ETV7: variants seen among roughly 807,000 people sequenced by gnomAD.
ETV7 encodes ETS variant transcription factor 7.
Under a neutral mutation model 39.1 loss-of-function variants are expected in ETV7, and 43 were observed. The observed-to-expected ratio is 1.10, with a 90% confidence interval of 0.86 to 1.42. The LOEUF is 1.42. Ranked by LOEUF, ETV7 falls within the 40% of genes most tolerant of loss-of-function variation. ETV7 has a pLI of 0.00. For missense variants in ETV7, 432 were observed against 442.3 expected, an observed-to-expected ratio of 0.98 and a Z score of 0.21; for synonymous variants, 196 against 176.6, an observed-to-expected ratio of 1.11 and a Z score of -0.87.
chr6:36,360,871 ACT>A (rs1267936442), intron 7 of ETV7, among the ~76,000 whole-genome samples: 1 of 150,984 alleles, frequency 6.6e-6, no homozygotes, highest in African/African-American at 2.4e-5. Context: ...CCGGAGGGAA[ACT>A]CTCCCTGGTG....
intron 7 of ETV7, among the ~76,000 whole-genome samples, chr6:36,360,110 C>A (rs1054510070): frequency 1.3e-5 from 2 of 152,122 alleles, no homozygotes; most frequent in Non-Finnish European, 2.9e-5. Flanking sequence ...CCAGGATGGT[C>A]TCGATTTCTT....
chr6:36,384,163 T>C (rs922389227), intron 2 of ETV7, among the ~76,000 whole-genome samples: 32 of 152,196 alleles, frequency 2.1e-4, no homozygotes, highest in African/African-American at 7.5e-4. Context: ...TCTCTGTCTT[T>C]CCTCCCTACT....
chr6:36,382,026 G>A (rs1298061504), intron 2 of ETV7, among the ~76,000 whole-genome samples: 1 of 152,054 alleles, frequency 6.6e-6, no homozygotes, highest in Admixed American at 6.6e-5. Context: ...GTACTCACAC[G>A]TTCCAGTGAA....
downstream of ETV7, among the ~76,000 whole-genome samples, chr6:36,364,838 C>G (rs2127384776): frequency 6.6e-6 from 1 of 152,346 alleles, no homozygotes; most frequent in East Asian, 1.9e-4. Flanking sequence ...AGAGCAAAGT[C>G]AAGGAGCTGG....
In ETV7 at chr6:36,366,234, C is replaced by T; in HGVS notation, c.*411G>A. On this transcript the variant is annotated 3_prime_UTR_variant, in exon 8 of 8. Transcript: ENST00000340181. ...TTTATTGTTACTGAGGCTGTCAGTG[C>T]CGCCTGGAAGCACTAACACTTTTTC... 41 of 1,027,692 alleles carry T rather than the reference C, an allele frequency of 4.0e-5. No individual in the cohort carries two copies. Among genetic ancestry groups the T allele is most frequent in the Non-Finnish European group, 4.8e-5 (41 of 855,332 alleles). The allele number at this position is 1,027,692 out of a possible 1,614,324, so 63.7% of individuals were successfully genotyped here.
downstream of ETV7, among the ~76,000 whole-genome samples, chr6:36,365,185 C>T (rs1340058248): frequency 3.9e-5 from 6 of 152,220 alleles, no homozygotes; most frequent in Admixed American, 3.9e-4. Context: ...AAAATACTCC[C>T]TTCTCCTTCT....
intron 5 of ETV7, 30 bp from the exon 6 acceptor site, chr6:36,369,101 C>T (rs766807458): frequency 2.0e-5 from 33 of 1,612,782 alleles, no homozygotes; most frequent in South Asian, 6.6e-5. Flanking sequence ...GTGCAGGCAG[C>T]GCAGCTTTAC....
At chr6:36,372,166 A>G (rs1561907501) in intron 4 of ETV7, among the ~76,000 whole-genome samples, 2 of 152,208 alleles carry the variant, frequency 1.3e-5, no homozygotes, top group Admixed American at 1.3e-4. Context: ...ACAGACCTGA[A>G]GGAGGTAGAG....
intron 3 of ETV7, among the ~76,000 whole-genome samples, chr6:36,374,928 G>T (rs1392456410): frequency 6.6e-6 from 1 of 152,172 alleles, no homozygotes; most frequent in South Asian, 2.1e-4. Context: ...AATTAGCCGG[G>T]CGTGGTGGCA....
chr6:36,385,491 A>C (rs777782674), intron 2 of ETV7, 43 bp downstream of exon 2: 2 of 1,613,350 alleles, frequency 1.2e-6, no homozygotes, highest in Non-Finnish European at 1.7e-6. Flanking sequence ...CAAAATAAAA[A>C]TTTACTTTTA....
chr6:36,375,594 C>T (rs1235278327), intron 3 of ETV7, among the ~76,000 whole-genome samples: 1 of 152,102 alleles, frequency 6.6e-6, no homozygotes, highest in Non-Finnish European at 1.5e-5. Context: ...ATAGAGGAGA[C>T]AAGGGCCACA....
intron 4 of ETV7, among the ~76,000 whole-genome samples, chr6:36,371,916 G>T (rs976092061): frequency 6.6e-6 from 1 of 152,198 alleles, no homozygotes; most frequent in African/African-American, 2.4e-5. Flanking sequence ...TATGAACCAG[G>T]CATTGTTCTA....
At chr6:36,385,743 G>C (rs1367930646) in intron 1 of ETV7, 74 bp from the exon 2 acceptor site, 1 of 1,508,410 alleles carries the variant, frequency 6.6e-7, no homozygotes, top group Non-Finnish European at 8.9e-7. Flanking sequence ...AATGTCTTAA[G>C]AATTTTTTTG....
chr6:36,355,556 C>T (rs2127379116), intron 7 of ETV7, among the ~76,000 whole-genome samples: 1 of 152,348 alleles, frequency 6.6e-6, no homozygotes. Context: ...GGATTACAGG[C>T]ATGCGCCATT....
intron 2 of ETV7, among the ~76,000 whole-genome samples, chr6:36,376,879 G>A (rs951181361): frequency 3.3e-5 from 5 of 152,166 alleles, no homozygotes; most frequent in African/African-American, 1.2e-4. Context: ...CAGGCAGCAT[G>A]GGGCACAGCC....
At chr6:36,363,499 C>T (rs143786285), downstream of ETV7, among the ~76,000 whole-genome samples, 491 of 152,130 alleles carry the variant, frequency 3.2e-3, 5 homozygotes, top group South Asian at 0.026. Context: ...GTCGTGGGCT[C>T]GCTGGCTTCA....
At chr6:36,378,241 A>G (rs1044430023) in intron 2 of ETV7, among the ~76,000 whole-genome samples, 14 of 43,586 alleles carry the variant, frequency 3.2e-4, no homozygotes, top group Middle Eastern at 9.8e-3. Flanking sequence ...TCTAATATGG[A>G]AAAAAAAAAA....
chr6:36,361,228 ACCGAGGTCCTTTGAGGG>A (rs1314471708), downstream of ETV7, among the ~76,000 whole-genome samples: 1 of 152,192 alleles, frequency 6.6e-6, no homozygotes, highest in African/African-American at 2.4e-5. Flanking sequence ...CTTAGTTCCC[ACCGAGGTCCTTTGAGGG>A]CCGAGGTGTC....
At chr6:36,354,402 CTT>C (rs1480384483) in exon 8 of ETV7, 2 of 351,792 alleles carry the variant, frequency 5.7e-6, no homozygotes, top group African/African-American at 4.2e-5. Flanking sequence ...ACGTTTATGT[CTT>C]TGACATATTT....
Sources: allele counts gnomAD v4.1 joint callset (sites outside exome capture counted in the v4.1 genomes callset), GRCh38; gene constraint gnomAD v4.1.1; transcripts MANE v1.5; gene names NCBI Gene and HGNC (gene_info 2026-07-23, HGNC 2026-07-21).